Variants in WNT11 observed in about 807,000 individuals in gnomAD.
WNT11 encodes Wnt family member 11.
WNT11 carries 20 observed loss-of-function variants against 35.6 expected under a neutral mutation model. The observed-to-expected ratio is 0.56, with a 90% CI of 0.40 to 0.82. The LOEUF (loss-of-function observed/expected upper bound fraction) is 0.82, where lower values mean the gene tolerates loss of function less well. Among genes scored for constraint, WNT11 ranks in the 40% least tolerant of loss-of-function variants. WNT11 has a pLI of 0.00. For synonymous variants in WNT11, 200 were observed against 211.9 expected (o/e 0.94, Z 0.49); for missense variants, 459 against 504.4 (o/e 0.91, Z 0.86).
At chr11:76,206,798 A>G, upstream of WNT11, 1 of 161,234 alleles carries the variant, frequency 6.2e-6, no homozygotes, top group Non-Finnish European at 1.3e-5. Flanking sequence ...GGGCAGACAC[A>G]GCGAGAGGGA....
intron 1 of WNT11, among the ~76,000 whole-genome samples, chr11:76,203,544 C>T (rs892096665): frequency 4.6e-5 from 7 of 152,364 alleles, no homozygotes; most frequent in East Asian, 1.9e-4. Flanking sequence ...ACCTGGGACC[C>T]CGAATACTTG....
chr11:76,209,281 G>A (rs1370903840), upstream of WNT11, among the ~76,000 whole-genome samples: 1 of 152,136 alleles, frequency 6.6e-6, no homozygotes, highest in East Asian at 1.9e-4. Flanking sequence ...GCCTGGGGCT[G>A]TGCACAGGGA....
intron 1 of WNT11, among the ~76,000 whole-genome samples, chr11:76,206,108 G>A (rs192654461): frequency 4.9e-4 from 75 of 152,186 alleles, no homozygotes; most frequent in African/African-American, 1.8e-3. Flanking sequence ...CGCTTCCATT[G>A]TGGTCCACGC....
At chr11:76,197,638 T>A (rs147008244) in intron 1 of WNT11, among the ~76,000 whole-genome samples, 3 of 152,152 alleles carry the variant, frequency 2.0e-5, no homozygotes, top group African/African-American at 7.2e-5. Context: ...CACAGAGCCC[T>A]TTGCTTGAGG....
At chr11:76,196,392 G>A in intron 2 of WNT11, 91 bp downstream of exon 2, 1 of 1,427,006 alleles carries the variant, frequency 7.0e-7, no homozygotes, top group South Asian at 1.2e-5. Flanking sequence ...ACCCACCCAT[G>A]AACCCATCCC....
intron 3 of WNT11, among the ~76,000 whole-genome samples, chr11:76,192,469 C>T (rs1953201340): frequency 6.6e-6 from 1 of 152,264 alleles, no homozygotes; most frequent in African/African-American, 2.4e-5. Context: ...GTGCTCCTGC[C>T]AGGCCACCCT....
Position 76,194,626 on chromosome 11 carries a change from T to A in WNT11, c.538A>T (p.Lys180Ter). 4 of 1,550,608 alleles carry A rather than the reference T, an allele frequency of 2.6e-6. No individual in the cohort carries two copies. Among genetic ancestry groups the A allele is most frequent in the Non-Finnish European group, 2.6e-6 (3 of 1,146,944 alleles). The change falls in exon 3 of 5, where the codon AAA (lysine) becomes TAA (stop). Residue 180 changes from lysine to a stop codon, truncating the protein, a stop_gained. Coordinates refer to ENST00000322563, the MANE Select transcript of WNT11 (RefSeq NM_004626.3). LOFTEE classifies it high-confidence loss of function. This position sits in a 1 kb window ranked among gnomAD's most constrained non-coding sequence, Gnocchi z 5.4. ...AGTTTATTGGCTTGGGATCCTGTTTTTTTCACCTTCATAGGAGCATCGGAA... is the reference window on the plus strand; with the variant it reads ...AGTTTATTGGCTTGGGATCCTGTTTATTTCACCTTCATAGGAGCATCGGAA... ...KFSDAPMKVK[K>*]TGSQANKLMR...
In WNT11 at chr11:76,187,072, C is replaced by G; in HGVS notation, c.1058G>C (p.Cys353Ser). ...RCERTVERYV[C>S]K ...GGGGCGGAGGGCAGGGCCTCACTTG[C>G]AGACATAGCGCTCCACGGTACGCTC... The change falls in exon 5 of 5, where the codon TGC becomes TCC. Residue 353 changes from cysteine to serine, a missense_variant. Transcript: ENST00000322563. 1.9e-6 allele frequency: 3 copies of G among 1,610,476 alleles called. No homozygotes were observed. Among genetic ancestry groups the G allele is most frequent in the South Asian group, 1.1e-5 (1 of 91,084 alleles).
upstream of WNT11, chr11:76,210,314 G>T: frequency 1.8e-6 from 1 of 556,772 alleles, no homozygotes; most frequent in Non-Finnish European, 2.3e-6. Flanking sequence ...GTGCTGCGGG[G>T]GAAAGGTATG....
At position 76,186,990 on chromosome 11, in the gene WNT11, T is replaced by C. The variant is rs767627214; in HGVS notation, c.*75A>G. 1 of 1,593,222 alleles carries C rather than the reference T, an allele frequency of 6.3e-7. No individual in the cohort carries two copies. The highest frequency in any genetic ancestry group is 1.1e-5 in the South Asian group (1 of 90,024). On this transcript the variant is annotated 3_prime_UTR_variant, in exon 5 of 5. Coordinates refer to ENST00000322563, the MANE Select transcript of WNT11 (RefSeq NM_004626.3). The stretch of plus-strand genomic sequence containing the variant: ...CACAAGCAGAGCTCCATGGAGTGTC[T>C]CCAGGCCCCTGGCCCCAGTTGCTGA...
chr11:76,187,099 C>T lies in WNT11; in HGVS notation c.1031G>A (p.Cys344Tyr). The T allele has an allele frequency of 1.2e-6, 2 of 1,612,100 alleles. No individual in the cohort carries two copies. Among genetic ancestry groups the T allele is most frequent in the East Asian group, 2.2e-5 (1 of 44,884 alleles). The change falls in exon 5 of 5, where the codon TGT becomes TAT. Residue 344 changes from cysteine (C) to tyrosine (Y), a missense_variant. Transcript: ENST00000322563. ...GACATAGCGCTCCACGGTACGCTCACACCTGCGGCAGGTGACGTAGCAGCA... is the reference window on the plus strand; with the variant it reads ...GACATAGCGCTCCACGGTACGCTCATACCTGCGGCAGGTGACGTAGCAGCA... ...HWCCYVTCRR[C>Y]ERTVERYVCK is the part of the protein sequence containing the mutation.
chr11:76,209,969 C>T (rs543049122), upstream of WNT11, among the ~76,000 whole-genome samples: 3 of 151,772 alleles, frequency 2.0e-5, no homozygotes, highest in East Asian at 5.9e-4. Context: ...CCCTGGGACC[C>T]GTTCTCAAAG....
upstream of WNT11, among the ~76,000 whole-genome samples, chr11:76,209,344 GC>G (rs1396889194): frequency 1.3e-5 from 2 of 152,180 alleles, no homozygotes; most frequent in Non-Finnish European, 1.5e-5. Flanking sequence ...ATGGTCATAG[GC>G]CCGGTCTGTG....
chr11:76,199,005 G>A (rs532324229), intron 1 of WNT11, among the ~76,000 whole-genome samples: 2 of 152,168 alleles, frequency 1.3e-5, no homozygotes, highest in East Asian at 1.9e-4. Context: ...GCATGGTGGC[G>A]CATGCCTGTA....
chr11:76,194,575 C>T lies in WNT11; in HGVS notation c.589G>A (p.Gly197Arg). 6.5e-7 allele frequency: 1 copy of T among 1,546,030 alleles called. No homozygotes were observed. Among genetic ancestry groups the T allele is most frequent in the African/African-American group, 1.4e-5 (1 of 72,986 alleles). Residue 197 changes from glycine (G) to arginine (R), a missense_variant, in exon 3 of 5, where the codon GGG becomes AGG. Physicochemically the swap from Gly to Arg is moderately radical, Grantham distance 125. Transcript: ENST00000322563. This position sits in a 1 kb window ranked among gnomAD's most constrained non-coding sequence, Gnocchi z 5.4. ...KLMRLHNSEV[G>R]RQALRASLEM... The stretch of plus-strand genomic sequence containing the variant: ...GTGGGGTGGGTGGTTACCTGTCTCC[C>T]CACTTCACTGTTGTGTAGACGCATC...
At chr11:76,195,478 C>G (rs548082057) in intron 2 of WNT11, among the ~76,000 whole-genome samples, 43 of 152,340 alleles carry the variant, frequency 2.8e-4, no homozygotes, top group African/African-American at 1.0e-3. Context: ...GATGGCGGGC[C>G]GCCACCAGGA....
Position 76,196,542 on chromosome 11 carries a change from A to G in WNT11, c.260T>C (p.Met87Thr). 1 of 1,613,632 alleles carries G rather than the reference A, an allele frequency of 6.2e-7. No homozygotes were observed. The highest frequency in any genetic ancestry group is 8.5e-7 in the Non-Finnish European group (1 of 1,180,056). ...CTCAATGGAGGAGCAGTTCCAGCGC[A>G]TGTCGGCAAAGGCCCGGCGACAGGC... is the stretch of plus-strand genomic sequence containing the variant. ...MKACRRAFAD[M>T]RWNCSSIELA... is the part of the protein sequence containing the mutation. Residue 87 changes from methionine (M) to threonine (T), a missense_variant, in exon 2 of 5, where the codon ATG becomes ACG. By Grantham distance (81) the Met-to-Thr change is moderately conservative. Coordinates refer to ENST00000322563, the MANE Select transcript of WNT11 (RefSeq NM_004626.3).
chr11:76,196,375 A>G, intron 2 of WNT11, 108 bp downstream of exon 2: 1 of 1,286,328 alleles, frequency 7.8e-7, no homozygotes, highest in South Asian at 1.3e-5. Context: ...CCATGAATCC[A>G]TCATCCACCC....
In WNT11 at chr11:76,194,067, G is replaced by A. The variant is rs538751464; in HGVS notation, c.597+500C>T. ...CGGAGGAAACTGTTCTAGCAGCTTC[G>A]GTTGGTGTGGGTGGGAGTCCCCGTT... On this transcript the variant is annotated intron_variant, in intron 3 of 4. Coordinates refer to ENST00000322563, the MANE Select transcript of WNT11 (RefSeq NM_004626.3). This position sits in a 1 kb window ranked among gnomAD's most constrained non-coding sequence, Gnocchi z 5.4. Among the ~76,000 whole-genome samples, 13 of 151,938 alleles carry A rather than the reference G, an allele frequency of 8.6e-5. No homozygotes were observed. Among genetic ancestry groups the A allele is most frequent in the African/African-American group, 2.2e-4 (9 of 41,352 alleles).
Sources: gnomAD v4.1 joint callset for allele counts (sites outside exome capture counted in the v4.1 genomes callset) on GRCh38, gnomAD v4.1.1 for gene constraint, Gnocchi (gnomAD v3.1) non-coding constraint, MANE v1.5 for transcripts, NCBI Gene and HGNC (gene_info 2026-07-23, HGNC 2026-07-21) for gene names.